GM2A: variants seen among roughly 807,000 people sequenced by gnomAD.
GM2A encodes GM2 ganglioside activator.
In GM2A, 7 loss-of-function variants were observed where a neutral mutation model predicts 12.9. The ratio of observed to expected loss-of-function variants is 0.54; its 90% confidence interval spans 0.31 to 1.02. GM2A has a LOEUF of 1.02. Among genes scored for constraint, GM2A ranks in the 50% least tolerant of loss-of-function variants. GM2A has a pLI of 0.05. For synonymous variants in GM2A, 101 were observed against 96.0 expected (o/e 1.05, Z -0.30); for missense variants, 246 against 241.0 (o/e 1.02, Z -0.14).
At position 151,253,209 on chromosome 5, in the gene GM2A, C is replaced by A; in HGVS notation, c.-8C>A. On this transcript the variant is annotated 5_prime_UTR_variant, in exon 1 of 4. Coordinates refer to ENST00000357164, the MANE Select transcript of GM2A (RefSeq NM_000405.5). Reference sequence around the variant, plus strand: ...TGCAGTTAACTCCGCCCTGACCCACCCTTCCCGATGCAGTCCCTGATGCAG... The same window carrying A: ...TGCAGTTAACTCCGCCCTGACCCACACTTCCCGATGCAGTCCCTGATGCAG... 4 of 1,612,378 alleles carry A rather than the reference C, an allele frequency of 2.5e-6. No homozygotes were observed. The highest frequency in any genetic ancestry group is 1.1e-5 in the South Asian group (1 of 91,046).
chr5:151,254,796 A>G (rs187059729), intron 1 of GM2A, among the ~76,000 whole-genome samples: 1 of 152,230 alleles, frequency 6.6e-6, no homozygotes, highest in East Asian at 1.9e-4. Flanking sequence ...CATGTGATTT[A>G]CTGAAGACTG....
Position 151,268,902 on chromosome 5 carries a change from C to T in GM2A, c.*1451C>T, listed in dbSNP as rs888931335. On this transcript the variant is annotated 3_prime_UTR_variant, in exon 4 of 4. Transcript: ENST00000357164. Reference sequence around the variant, plus strand: ...AGACAACTCCTGTGGCACCGTTTCTCCCTCCACAGGGCCAAAGCCATAGTG... The same window carrying T: ...AGACAACTCCTGTGGCACCGTTTCTTCCTCCACAGGGCCAAAGCCATAGTG... The T allele has an allele frequency of 2.5e-5, 25 of 985,332 alleles. No homozygotes were observed. Among genetic ancestry groups the T allele is most frequent in the Admixed American group, 6.1e-5 (1 of 16,268 alleles). The allele number at this position is 985,332 out of a possible 1,614,324, so 61.0% of individuals were successfully genotyped here. A position where few individuals can be genotyped will look rare whatever the true frequency, so the allele number is the denominator to read the frequency against.
intron 3 of GM2A, 25 bp downstream of exon 3, chr5:151,266,938 G>GT (rs1753899124): frequency 6.4e-7 from 1 of 1,568,764 alleles, no homozygotes; most frequent in African/African-American, 1.3e-5. Flanking sequence ...AGGAGAGAGC[G>GT]TTACCCCTGT....
At chr5:151,260,822 A>G (rs900531757) in intron 2 of GM2A, among the ~76,000 whole-genome samples, 29 of 152,164 alleles carry the variant, frequency 1.9e-4, no homozygotes, top group Non-Finnish European at 2.5e-4. Flanking sequence ...AATCCTAGAG[A>G]TAGTCAGTGT....
chr5:151,261,727 C>G (rs911920733), intron 2 of GM2A, among the ~76,000 whole-genome samples: 4 of 151,816 alleles, frequency 2.6e-5, no homozygotes, highest in Admixed American at 6.6e-5. Context: ...ACACCTGCCA[C>G]CATGCCCAGC....
intron 2 of GM2A, among the ~76,000 whole-genome samples, chr5:151,260,591 C>A (rs1753779506): frequency 6.6e-6 from 1 of 152,164 alleles, no homozygotes; most frequent in Non-Finnish European, 1.5e-5. Flanking sequence ...GCACTCCAGC[C>A]TGGGTGACAG....
chr5:151,255,751 C>T (rs1753673615), intron 1 of GM2A, among the ~76,000 whole-genome samples: 1 of 152,212 alleles, frequency 6.6e-6, no homozygotes, highest in African/African-American at 2.4e-5. Context: ...CTTTTGACTT[C>T]ATTTGCCTGG....
At position 151,267,546 on chromosome 5, in the gene GM2A, C is replaced by G. The variant is rs1223484880; in HGVS notation, c.*95C>G. 3.2e-6 allele frequency: 5 copies of G among 1,576,006 alleles called. No individual in the cohort carries two copies. Among genetic ancestry groups the G allele is most frequent in the East Asian group, 2.3e-5 (1 of 43,498 alleles). Reference sequence around the variant, plus strand: ...AGGCCAAACTCCCACTCTCTGCCCCCCTTTAATCCCCTTTCTACAGTGAGT... The same window carrying G: ...AGGCCAAACTCCCACTCTCTGCCCCGCTTTAATCCCCTTTCTACAGTGAGT... On this transcript the variant is annotated 3_prime_UTR_variant, in exon 4 of 4. Coordinates refer to ENST00000357164, the MANE Select transcript of GM2A (RefSeq NM_000405.5).
intron 2 of GM2A, among the ~76,000 whole-genome samples, chr5:151,263,810 T>G (rs746619): frequency 0.03 from 4,590 of 152,240 alleles, 206 homozygotes; most frequent in African/African-American, 0.1. Context: ...GGAGAGTGAC[T>G]GCCCAAACCC....
chr5:151,270,346 A>G lies in GM2A; in HGVS notation c.*2895A>G. 1 of 398,912 alleles carries G rather than the reference A, an allele frequency of 2.5e-6. No homozygotes were observed. The highest frequency in any genetic ancestry group is 4.4e-6 in the Non-Finnish European group (1 of 226,322). 24.7% of individuals were successfully genotyped at this position (398,912 alleles called of 1,614,324 possible). A position where few individuals can be genotyped will look rare whatever the true frequency, so the allele number is the denominator to read the frequency against. On this transcript the variant is annotated 3_prime_UTR_variant, in exon 4 of 4. Coordinates refer to ENST00000357164, the MANE Select transcript of GM2A (RefSeq NM_000405.5). The stretch of plus-strand genomic sequence containing the variant: ...TCCAGTGGCAACAAAATATTGACAC[A>G]TTTGACTACATGAAGATAATAAAAA...
At chr5:151,264,394 A>G (rs931307758) in intron 2 of GM2A, among the ~76,000 whole-genome samples, 1 of 151,930 alleles carries the variant, frequency 6.6e-6, no homozygotes, top group Non-Finnish European at 1.5e-5. Context: ...GGGAGCCACT[A>G]CCTCTTCTGG....
chr5:151,257,004 T>A (rs2114029500), intron 1 of GM2A, among the ~76,000 whole-genome samples: 1 of 152,310 alleles, frequency 6.6e-6, no homozygotes, highest in East Asian at 1.9e-4. Context: ...TATCATTATG[T>A]CCACATAATA....
rs761616890 is a variant in GM2A, at chr5:151,267,374, C to A, written c.505C>A (p.Arg169Ser). ...CAGTTGGCTCACCACCGGGAACTAC[C>A]GCATAGAGAGCGTCCTGAGCAGCAG... ...LPSWLTTGNY[R>S]IESVLSSSGK... Residue 169 changes from arginine to serine, a missense_variant, in exon 4 of 4, where the codon CGC (arginine) becomes AGC (serine). Arg to Ser is a moderately radical substitution (Grantham distance 110). Coordinates refer to ENST00000357164, the MANE Select transcript of GM2A (RefSeq NM_000405.5). 25 of 1,614,154 alleles carry A rather than the reference C, an allele frequency of 1.5e-5. No individual in the cohort carries two copies. Among genetic ancestry groups the A allele is most frequent in the Non-Finnish European group, 2.1e-5 (25 of 1,180,020 alleles).
chr5:151,267,247 C>T, intron 3 of GM2A, 49 bp from the exon 4 acceptor site: 1 of 1,612,726 alleles, frequency 6.2e-7, no homozygotes, highest in Non-Finnish European at 8.5e-7. Context: ...AGGAGAAAGA[C>T]CCCATCAGTA....
chr5:151,260,478 C>CG (rs1400432879), intron 2 of GM2A, among the ~76,000 whole-genome samples: 1 of 151,918 alleles, frequency 6.6e-6, no homozygotes, highest in Non-Finnish European at 1.5e-5. Flanking sequence ...ATTAGCTGGG[C>CG]GTGGTGGCAT....
chr5:151,263,920 G>A (rs1270978521), intron 2 of GM2A, among the ~76,000 whole-genome samples: 1 of 152,158 alleles, frequency 6.6e-6, no homozygotes, highest in African/African-American at 2.4e-5. Flanking sequence ...GACTCCAGCT[G>A]CAATTTTTAA....
Position 151,266,062 on chromosome 5 carries a change from C to T in GM2A, c.244-669C>T, listed in dbSNP as rs548762031. ...TATGCAGAAAAGGATTTTGGGGCCA[C>T]GACTGGGCTCAGAAGGAAAGCCCAG... is the stretch of plus-strand genomic sequence containing the variant. On this transcript the variant is annotated intron_variant, in intron 2 of 3. Transcript: ENST00000357164. Among the ~76,000 whole-genome samples the T allele has an allele frequency of 3.9e-5, 6 of 152,300 alleles. No homozygotes were observed. The South Asian group carries it at 6.2e-4, about 16-fold the overall frequency.
At chr5:151,255,776 G>T (rs571409071) in intron 1 of GM2A, among the ~76,000 whole-genome samples, 2 of 152,314 alleles carry the variant, frequency 1.3e-5, no homozygotes, top group East Asian at 3.9e-4. Flanking sequence ...TTTATACCTT[G>T]TTCCTGAATG....
chr5:151,262,795 G>A lies in GM2A; in HGVS notation c.243+2879G>A, dbSNP rs1278020863. The stretch of plus-strand genomic sequence containing the variant: ...GGAGTGTGGGCTCTCCTGGTAGGCC[G>A]TCCGCCATGCTCCCTCTGCTGCCAT... On this transcript the variant is annotated intron_variant, in intron 2 of 3. Transcript: ENST00000357164. 3.9e-5 allele frequency among the ~76,000 whole-genome samples: 6 copies of A among 152,240 alleles called. No individual in the cohort carries two copies. In the East Asian group the frequency reaches 9.7e-4, roughly 25 times the overall value.
Sources: gnomAD v4.1 joint callset for allele counts (sites outside exome capture counted in the v4.1 genomes callset) on GRCh38, gnomAD v4.1.1 for gene constraint, MANE v1.5 for transcripts, NCBI Gene and HGNC (gene_info 2026-07-23, HGNC 2026-07-21) for gene names.